Variants in MYH9 observed in about 807,000 individuals in gnomAD.
MYH9 encodes myosin heavy chain 9, also known as myosin-9.
A neutral mutation model predicts 241.9 loss-of-function variants in MYH9; 29 were observed. That is an observed-to-expected ratio of 0.12 (90% CI 0.09 to 0.16). The LOEUF (loss-of-function observed/expected upper bound fraction) is 0.16. Among genes scored for constraint, MYH9 ranks in the 10% least tolerant of loss-of-function variants. MYH9 has a pLI of 1.00. For synonymous variants in MYH9, 1,047 were observed against 1,062.6 expected (o/e 0.99, Z 0.29); for missense variants, 1,803 against 2,595.5 (o/e 0.69, Z 6.63).
intron 5 of MYH9, 138 bp downstream of exon 5, chr22:36,326,430 T>A (rs998608845): frequency 5.7e-6 from 5 of 872,002 alleles, no homozygotes; most frequent in Non-Finnish European, 7.7e-6. Flanking sequence ...ACTGCCTCAA[T>A]GGAAATGGGC....
At chr22:36,343,151 T>C (rs1843592131) in intron 2 of MYH9, among the ~76,000 whole-genome samples, 1 of 152,084 alleles carries the variant, frequency 6.6e-6, no homozygotes, top group Non-Finnish European at 1.5e-5. Flanking sequence ...TCTCAGGCAC[T>C]GGCCAAAGGC....
intron 27 of MYH9, 134 bp downstream of exon 27, chr22:36,294,798 T>C: frequency 4.1e-6 from 5 of 1,225,454 alleles, no homozygotes; most frequent in Non-Finnish European, 5.9e-6. Flanking sequence ...CAAAGCCCCT[T>C]AGAAGGGGAG....
chr22:36,291,162 A>G (rs1235059436), intron 31 of MYH9, among the ~76,000 whole-genome samples: 7 of 150,804 alleles, frequency 4.6e-5, no homozygotes, highest in African/African-American at 1.7e-4. Context: ...CCAGGCCACC[A>G]CCCCGTCTGG....
At chr22:36,327,326 T>G in intron 4 of MYH9, 135 bp downstream of exon 4, 2 of 985,474 alleles carry the variant, frequency 2.0e-6, no homozygotes, top group Non-Finnish European at 3.2e-6. Context: ...TCCTATCCCT[T>G]GGAGAAGTGG....
chr22:36,299,521 C>T (rs898402485), intron 23 of MYH9, among the ~76,000 whole-genome samples: 45 of 152,296 alleles, frequency 3.0e-4, no homozygotes, highest in African/African-American at 7.0e-4. Flanking sequence ...CCCTGCCCAG[C>T]GGCCACAGCT....
intron 24 of MYH9, among the ~76,000 whole-genome samples, chr22:36,298,021 T>C (rs2016815345): frequency 6.6e-6 from 1 of 152,170 alleles, no homozygotes; most frequent in Non-Finnish European, 1.5e-5. Flanking sequence ...GATGACCAAG[T>C]CTTCCGGGCT....
At chr22:36,376,149 C>T (rs574061033) in intron 1 of MYH9, among the ~76,000 whole-genome samples, 3 of 151,854 alleles carry the variant, frequency 2.0e-5, no homozygotes, top group African/African-American at 4.8e-5. Context: ...TTAGTAGAGA[C>T]GTGGTTTCAC....
chr22:36,304,174 C>A lies in MYH9; in HGVS notation c.2230-19G>T, dbSNP rs764781355. Reference sequence around the variant, plus strand: ...CTTTTATCTAGGTGGGAGGAGCAGGCCGTTTACCTGGCCAGCAACTGGCCA... The same window carrying A: ...CTTTTATCTAGGTGGGAGGAGCAGGACGTTTACCTGGCCAGCAACTGGCCA... On this transcript the variant is annotated intron_variant, in intron 18 of 40. Transcript: ENST00000216181. 1.4e-5 allele frequency: 22 copies of A among 1,612,982 alleles called. No homozygotes were observed. The Admixed American group carries it at 3.7e-4, about 27-fold the overall frequency.
chr22:36,325,391 C>T (rs1231153704), intron 5 of MYH9, among the ~76,000 whole-genome samples: 2 of 152,176 alleles, frequency 1.3e-5, no homozygotes, highest in Non-Finnish European at 2.9e-5. Context: ...TTACGAAGGC[C>T]GCACACGGCA....
At chr22:36,344,063 T>C (rs1235820997) in intron 2 of MYH9, among the ~76,000 whole-genome samples, 1 of 152,216 alleles carries the variant, frequency 6.6e-6, no homozygotes, top group African/African-American at 2.4e-5. Context: ...CATGGTCCTA[T>C]GGAGTGGTCT....
rs1354239442 is a variant in MYH9 at position 36,330,269 on chromosome 22, G to C, written c.491-2781C>G. Among the ~76,000 whole-genome samples, 1 of 152,208 alleles carries C rather than the reference G, an allele frequency of 6.6e-6. No homozygotes were observed. The highest frequency in any genetic ancestry group is 1.9e-4 in the East Asian group (1 of 5,194). ...ACATTCATCTGGACAAATGCTTTCT[G>C]AAAGGCAAACTGCTGGGAGGCCTCC... On this transcript the variant is annotated intron_variant, in intron 3 of 40. Transcript: ENST00000216181. The surrounding 1 kb of genome is among the most constrained non-coding windows in gnomAD (Gnocchi z 4.5).
In MYH9 at chr22:36,320,705, G is replaced by A; in HGVS notation, c.868+93C>T. 1 of 1,148,554 alleles carries A rather than the reference G, an allele frequency of 8.7e-7. No homozygotes were observed. The highest frequency in any genetic ancestry group is 1.3e-5 in the South Asian group (1 of 77,518). The allele number at this position is 1,148,554 out of a possible 1,614,324, so 71.1% of individuals were successfully genotyped here. ...CTCCCCGTTAAACCCAAGGCCAAAA[G>A]TTTTCATTTCCCAAATGATGTCTAC... On this transcript the variant is annotated intron_variant, in intron 8 of 40. Coordinates refer to ENST00000216181, the MANE Select transcript of MYH9 (RefSeq NM_002473.6). The surrounding 1 kb of genome is among the most constrained non-coding windows in gnomAD (Gnocchi z 4.8).
At chr22:36,374,622 A>G (rs1350666505) in intron 1 of MYH9, among the ~76,000 whole-genome samples, 2 of 152,242 alleles carry the variant, frequency 1.3e-5, no homozygotes. Context: ...CTAGAAAAAC[A>G]TGCTGGCCAC....
At chr22:36,318,640 T>A (rs1416318960) in intron 10 of MYH9, among the ~76,000 whole-genome samples, 1 of 152,050 alleles carries the variant, frequency 6.6e-6, no homozygotes, top group African/African-American at 2.4e-5. Context: ...GCAGCAGTGG[T>A]TCCTCTGTCC....
chr22:36,326,923 C>G (rs2017344401), intron 4 of MYH9, among the ~76,000 whole-genome samples: 1 of 152,172 alleles, frequency 6.6e-6, no homozygotes, highest in Non-Finnish European at 1.5e-5. Flanking sequence ...ACTTCACATC[C>G]AAGTGTTTTA....
At position 36,300,065 on chromosome 22, in the gene MYH9, G is replaced by A. The variant is rs1469917353; in HGVS notation, c.2976+62C>T. On this transcript the variant is annotated intron_variant, in intron 23 of 40. Transcript: ENST00000216181. This position sits in a 1 kb window ranked among gnomAD's most constrained non-coding sequence, Gnocchi z 5.0. ...GCGGGGAGCCAGGCCCTGCAAGGGT[G>A]ACCACACTCTCCCATCCACGGCGCC... is the stretch of plus-strand genomic sequence containing the variant. 3 of 1,599,804 alleles carry A rather than the reference G, an allele frequency of 1.9e-6. No individual in the cohort carries two copies. The highest frequency in any genetic ancestry group is 2.5e-6 in the Non-Finnish European group (3 of 1,178,332).
intron 24 of MYH9, among the ~76,000 whole-genome samples, chr22:36,297,566 C>T (rs56339459): frequency 0.056 from 8,592 of 152,218 alleles, 879 homozygotes; most frequent in African/African-American, 0.2. Flanking sequence ...GTGCCTGCCT[C>T]GTGATGGTTA....
intron 1 of MYH9, among the ~76,000 whole-genome samples, chr22:36,360,349 C>T (rs1446527634): frequency 6.6e-6 from 1 of 152,048 alleles, no homozygotes; most frequent in African/African-American, 2.4e-5. Flanking sequence ...GATGGAATGC[C>T]GTCTCCCTAT....
chr22:36,339,204 C>A (rs549713572), intron 3 of MYH9, among the ~76,000 whole-genome samples: 1 of 152,322 alleles, frequency 6.6e-6, no homozygotes, highest in Admixed American at 6.5e-5. Context: ...ATTACTCAGT[C>A]TTAATGTCTT....
Sources: allele counts gnomAD v4.1 joint callset (sites outside exome capture counted in the v4.1 genomes callset), GRCh38; gene constraint gnomAD v4.1.1; non-coding constraint Gnocchi (gnomAD v3.1); transcripts MANE v1.5; gene names NCBI Gene and HGNC (gene_info 2026-07-23, HGNC 2026-07-21).